The following CSMD1 variants were observed in gnomAD, a reference collection of about 807,000 sequenced individuals.
The protein encoded by CSMD1 is CUB and sushi domain-containing protein 1.
CSMD1 carries 213 observed loss-of-function variants against 417.5 expected under a neutral mutation model. The ratio of observed to expected loss-of-function variants is 0.51; its 90% CI spans 0.46 to 0.57. The LOEUF is 0.57. Among genes scored for constraint, CSMD1 ranks in the 20% least tolerant of loss-of-function variants. CSMD1 has a pLI of 0.00. For missense variants in CSMD1, 6,923 were observed against 4,529.7 expected (o/e 1.53, Z -15.17); for synonymous variants, 2,862 against 1,736.8 (o/e 1.65, Z -16.11).
At chr8:4,278,610 G>T (rs1183749613) in intron 3 of CSMD1, among the ~76,000 whole-genome samples, 19 of 152,170 alleles carry the variant, frequency 1.2e-4, no homozygotes, top group Admixed American at 1.2e-3. Flanking sequence ...ATAAATTCAT[G>T]AATGGAAACT....
chr8:3,927,307 A>T (rs1809805678), intron 5 of CSMD1, among the ~76,000 whole-genome samples: 1 of 151,986 alleles, frequency 6.6e-6, no homozygotes. Flanking sequence ...CAGCATGAAA[A>T]TTATTCTGAC....
At chr8:3,322,343 T>TG (rs1291012448) in intron 23 of CSMD1, among the ~76,000 whole-genome samples, 4 of 152,212 alleles carry the variant, frequency 2.6e-5, no homozygotes. Flanking sequence ...GTTAAATGAC[T>TG]GAACATTCAA....
At chr8:4,975,374 G>C (rs1274330195) in intron 1 of CSMD1, among the ~76,000 whole-genome samples, 3 of 152,214 alleles carry the variant, frequency 2.0e-5, no homozygotes, top group African/African-American at 7.2e-5. Context: ...CACATAGCAA[G>C]TATTCCTTTT....
At chr8:4,164,373 G>A (rs1389283571) in intron 3 of CSMD1, among the ~76,000 whole-genome samples, 2 of 152,048 alleles carry the variant, frequency 1.3e-5, no homozygotes, top group Non-Finnish European at 2.9e-5. Context: ...TGTACTTGTT[G>A]GACAGAGAAC....
intron 3 of CSMD1, among the ~76,000 whole-genome samples, chr8:4,041,443 A>G (rs143977097): frequency 9.8e-5 from 15 of 152,304 alleles, no homozygotes; most frequent in African/African-American, 3.1e-4. Context: ...TCGTGCCTCA[A>G]CCTACATCCA....
At chr8:4,855,230 A>C (rs1801726472) in intron 1 of CSMD1, among the ~76,000 whole-genome samples, 1 of 150,498 alleles carries the variant, frequency 6.6e-6, no homozygotes, top group Admixed American at 6.8e-5. Context: ...AAACTAACAA[A>C]CAGAAAGGAT....
At chr8:4,906,320 TTAAG>T (rs1435248692) in intron 1 of CSMD1, among the ~76,000 whole-genome samples, 1 of 152,232 alleles carries the variant, frequency 6.6e-6, no homozygotes, top group Non-Finnish European at 1.5e-5. Flanking sequence ...ATATGCTTTA[TTAAG>T]TATTATTTTC....
At chr8:4,659,054 A>C (rs1454563926) in intron 1 of CSMD1, among the ~76,000 whole-genome samples, 1 of 152,194 alleles carries the variant, frequency 6.6e-6, no homozygotes, top group Non-Finnish European at 1.5e-5. Flanking sequence ...AAAATACATA[A>C]ACAAGAAAAC....
intron 10 of CSMD1, among the ~76,000 whole-genome samples, chr8:3,505,371 C>G (rs10106584): frequency 0.84 from 127,458 of 151,910 alleles, 53,922 homozygotes; most frequent in East Asian, 0.96. Flanking sequence ...TAGATCACTA[C>G]ATGAAAGCAA....
intron 3 of CSMD1, among the ~76,000 whole-genome samples, chr8:4,103,364 T>A (rs953082071): frequency 6.6e-6 from 1 of 151,618 alleles, no homozygotes; most frequent in African/African-American, 2.4e-5. Flanking sequence ...GAATTCCAGA[T>A]CTCCAATGAT....
At chr8:3,664,451 T>C (rs1203277906) in intron 7 of CSMD1, among the ~76,000 whole-genome samples, 1 of 152,222 alleles carries the variant, frequency 6.6e-6, no homozygotes, top group African/African-American at 2.4e-5. Context: ...AAAATGGAAA[T>C]TGCTCAGAAA....
intron 3 of CSMD1, among the ~76,000 whole-genome samples, chr8:4,125,094 G>T (rs35237037): frequency 1.3e-5 from 2 of 149,008 alleles, no homozygotes; most frequent in African/African-American, 5.0e-5. Context: ...ATTCCTTGAA[G>T]CCGGTGAGAC....
chr8:3,511,700 G>T (rs1280640615), intron 10 of CSMD1, among the ~76,000 whole-genome samples: 9 of 149,304 alleles, frequency 6.0e-5, no homozygotes, highest in Non-Finnish European at 1.3e-4. Context: ...GGAGGTTGTG[G>T]TGAGATGAGA....
intron 5 of CSMD1, among the ~76,000 whole-genome samples, chr8:3,831,424 T>C (rs1264578027): frequency 1.3e-5 from 2 of 152,118 alleles, no homozygotes; most frequent in Non-Finnish European, 2.9e-5. Flanking sequence ...ACCAAAGCTA[T>C]ATTAAAATTC....
chr8:4,260,160 C>G (rs554760597), intron 3 of CSMD1, among the ~76,000 whole-genome samples: 91 of 152,286 alleles, frequency 6.0e-4, no homozygotes, highest in African/African-American at 2.0e-3. Context: ...TAAGTCCCAT[C>G]AGGTGGCATC....
intron 10 of CSMD1, among the ~76,000 whole-genome samples, chr8:3,568,954 G>T (rs1371426588): frequency 2.0e-5 from 3 of 152,060 alleles, no homozygotes; most frequent in Non-Finnish European, 4.4e-5. Context: ...TATAACACAT[G>T]TCTCACAATA....
chr8:3,665,615 G>C lies in CSMD1; in HGVS notation c.1009+42799C>G, dbSNP rs1189887875. 2.0e-5 allele frequency among the ~76,000 whole-genome samples: 3 copies of C among 152,108 alleles called. 1 individual carries two copies. The highest frequency in any genetic ancestry group is 4.4e-5 in the Non-Finnish European group (3 of 68,032). ...TATTAACCAAGTAATTGACTCAGTA[G>C]GGTTCTAAATAATCCCTGAGAGAAA... On this transcript the variant is annotated intron_variant, in intron 7 of 69. Coordinates refer to ENST00000635120, the MANE Select transcript of CSMD1 (RefSeq NM_033225.6).
intron 26 of CSMD1, among the ~76,000 whole-genome samples, chr8:3,249,368 G>T (rs966423663): frequency 6.6e-6 from 1 of 152,046 alleles, no homozygotes; most frequent in Non-Finnish European, 1.5e-5. Flanking sequence ...GACTACAGGC[G>T]CCCACCACCA....
At chr8:3,161,215 G>C (rs1408834592) in intron 38 of CSMD1, among the ~76,000 whole-genome samples, 1 of 152,130 alleles carries the variant, frequency 6.6e-6, no homozygotes, top group African/African-American at 2.4e-5. Flanking sequence ...TATTCTGAGA[G>C]TAGGCTTACT....
Sources: allele counts gnomAD v4.1 joint callset (sites outside exome capture counted in the v4.1 genomes callset), GRCh38; gene constraint gnomAD v4.1.1; transcripts MANE v1.5; gene names NCBI Gene and HGNC (gene_info 2026-07-23, HGNC 2026-07-21).